Variants in SEC13 observed in about 807,000 individuals in gnomAD.
SEC13 encodes protein SEC13 homolog.
In SEC13, 25 loss-of-function variants were observed where a neutral mutation model predicts 49.2. The observed-to-expected ratio is 0.51, with a 90% CI of 0.37 to 0.71. The LOEUF is 0.71. SEC13 is among the 30% of genes least tolerant of loss of function. The pLI, the probability that SEC13 is intolerant of heterozygous loss-of-function variation, is 0.00. For missense variants in SEC13, 383 were observed against 417.6 expected, an observed-to-expected ratio of 0.92 and a Z score of 0.72; for synonymous variants, 148 against 163.9, an observed-to-expected ratio of 0.90 and a Z score of 0.74.
chr3:10,304,246 T>G, intron 7 of SEC13, 74 bp from the exon 8 acceptor site: 1 of 1,506,312 alleles, frequency 6.6e-7, no homozygotes, highest in African/African-American at 1.4e-5. Context: ...CCTCCCAGTC[T>G]AGAGCCACCC....
intron 5 of SEC13, among the ~76,000 whole-genome samples, chr3:10,309,800 G>C (rs1327332305): frequency 2.6e-5 from 4 of 152,214 alleles, no homozygotes; most frequent in Non-Finnish European, 5.9e-5. Context: ...TTTTAGGTGA[G>C]ATGAGTTTTC....
Position 10,301,003 on chromosome 3 carries a change from C to T in SEC13, c.*258G>A. ...CAAATAATGCCTGAACCCAAAGGTACATAAAAATGACCCAAAATAGATTTG... is the reference window on the plus strand; with the variant it reads ...CAAATAATGCCTGAACCCAAAGGTATATAAAAATGACCCAAAATAGATTTG... On this transcript the variant is annotated 3_prime_UTR_variant, in exon 9 of 9. Transcript: ENST00000350697. 7.2e-7 allele frequency: 1 copy of T among 1,389,046 alleles called. No homozygotes were observed. The highest frequency in any genetic ancestry group is 2.4e-5 in the East Asian group (1 of 41,212). The allele number at this position is 1,389,046 out of a possible 1,614,324, so 86.0% of individuals were successfully genotyped here.
chr3:10,306,432 T>G (rs9841132), intron 5 of SEC13, among the ~76,000 whole-genome samples: 9,231 of 152,242 alleles, frequency 0.061, 530 homozygotes, highest in African/African-American at 0.15. Flanking sequence ...CACGTTAGAT[T>G]GTCTCTTATA....
intron 2 of SEC13, 110 bp downstream of exon 2, chr3:10,317,940 T>C: frequency 1.4e-6 from 1 of 726,918 alleles, no homozygotes. Context: ...AAAGCCACCC[T>C]GGATCCATGA....
chr3:10,307,044 T>C (rs1022365173), intron 5 of SEC13, among the ~76,000 whole-genome samples: 1 of 146,244 alleles, frequency 6.8e-6, no homozygotes, highest in Non-Finnish European at 1.5e-5. Context: ...TCTTTATTTA[T>C]TATTAACAAT....
chr3:10,315,584 T>C, intron 2 of SEC13, 148 bp from the exon 3 acceptor site: 1 of 615,334 alleles, frequency 1.6e-6, no homozygotes, highest in South Asian at 1.9e-5. Context: ...GGCAGGAAGC[T>C]AGCATGTGGA....
rs529538755 is a variant in SEC13 at position 10,310,990 on chromosome 3, C to G, written c.450+975G>C. On this transcript the variant is annotated intron_variant, in intron 5 of 8. Coordinates refer to ENST00000350697, the MANE Select transcript of SEC13 (RefSeq NM_183352.3). ...ACAGATTGTCTCATTCTATGTACAACTGATCCTCAATTTCATTTCATTATA... is the reference window on the plus strand; with the variant it reads ...ACAGATTGTCTCATTCTATGTACAAGTGATCCTCAATTTCATTTCATTATA... Among the ~76,000 whole-genome samples, 50 of 151,448 alleles carry G rather than the reference C, an allele frequency of 3.3e-4. 1 individual carries two copies. Among genetic ancestry groups the G allele is most frequent in the Admixed American group, 8.6e-4 (13 of 15,202 alleles).
chr3:10,317,990 TC>T, intron 2 of SEC13, 59 bp downstream of exon 2: 1 of 1,204,552 alleles, frequency 8.3e-7, no homozygotes, highest in East Asian at 2.4e-5. Context: ...CCAAATTGCT[TC>T]CCTCCCACAA....
rs1295907131 is a variant in SEC13, at chr3:10,312,205, AG to A, written c.317-108del. 2.1e-6 allele frequency: 3 copies of A among 1,454,960 alleles called. No homozygotes were observed. In the African/African-American group the frequency reaches 4.3e-5, roughly 21 times the overall value. The allele number at this position is 1,454,960 out of a possible 1,614,324, so 90.1% of individuals were successfully genotyped here. A position where few individuals can be genotyped will look rare whatever the true frequency, so the allele number is the denominator to read the frequency against. On this transcript the variant is annotated intron_variant, in intron 4 of 8. Coordinates refer to ENST00000350697, the MANE Select transcript of SEC13 (RefSeq NM_183352.3). ...CTAAATGTCTACAACAAACAACTGT[AG>A]GAGTCACCGGGGGAAGCTGTAACTT...
chr3:10,302,041 C>T (rs1413533482), intron 8 of SEC13, among the ~76,000 whole-genome samples: 4 of 152,040 alleles, frequency 2.6e-5, no homozygotes, highest in Non-Finnish European at 5.9e-5. Flanking sequence ...CAGGAGTTCG[C>T]GACCAGCCTG....
intron 1 of SEC13, chr3:10,319,045 A>AT (rs758453966): frequency 5.8e-5 from 67 of 1,150,468 alleles, no homozygotes; most frequent in Non-Finnish European, 7.3e-5. Context: ...AAAAGCTGTT[A>AT]TTTTTTTTCT....
chr3:10,308,790 A>T (rs1701051346), intron 5 of SEC13, among the ~76,000 whole-genome samples: 4 of 93,682 alleles, frequency 4.3e-5, no homozygotes, highest in African/African-American at 1.8e-4. Context: ...TGCTGAGTTG[A>T]ATTTTTTTTT....
intron 5 of SEC13, among the ~76,000 whole-genome samples, chr3:10,310,147 G>T (rs1382786286): frequency 6.6e-6 from 1 of 152,058 alleles, no homozygotes; most frequent in Admixed American, 6.6e-5. Flanking sequence ...TTCTCCAAAG[G>T]CCCCCAGAAG....
chr3:10,304,237 C>T (rs40515), intron 7 of SEC13, 65 bp from the exon 8 acceptor site: 332,270 of 1,559,512 alleles, frequency 0.21, 37,883 homozygotes, highest in Middle Eastern at 0.28. Flanking sequence ...ATGTGATGTC[C>T]TCCCAGTCTA....
rs555356863 is a variant in SEC13, at chr3:10,310,504, A to AAAAC, written c.450+1457_450+1460dup. ...AGCCTCCGTCTCAAAAAAACAGAAC[A>AAAAC]AAACAAACCCAAAAAATCACAATAA... On this transcript the variant is annotated intron_variant, in intron 5 of 8. Coordinates refer to ENST00000350697, the MANE Select transcript of SEC13 (RefSeq NM_183352.3). Among the ~76,000 whole-genome samples the AAAAC allele has an allele frequency of 7.9e-5, 12 of 152,274 alleles. No individual in the cohort carries two copies. In the East Asian group the frequency reaches 2.3e-3, roughly 29 times the overall value.
chr3:10,303,002 AAGG>A (rs1186945490), intron 8 of SEC13, among the ~76,000 whole-genome samples: 2 of 152,218 alleles, frequency 1.3e-5, no homozygotes, highest in Non-Finnish European at 2.9e-5. Context: ...CATAGACAGA[AAGG>A]AGAAGGGTGG....
chr3:10,319,423 A>G, intron 1 of SEC13: 1 of 686,582 alleles, frequency 1.5e-6, no homozygotes, highest in Non-Finnish European at 2.3e-6. Flanking sequence ...GGGCACAGTC[A>G]ATCAGAGACC....
At position 10,305,128 on chromosome 3, in the gene SEC13, C is replaced by G. The variant is rs758574100; in HGVS notation, c.613G>C (p.Glu205Gln). The G allele has an allele frequency of 1.2e-5, 20 of 1,613,478 alleles. No homozygotes were observed. In the African/African-American group the frequency reaches 2.1e-4, roughly 17 times the overall value. The change falls in exon 7 of 9, where the codon GAG becomes CAG. Residue 205 changes from glutamate to glutamine, a missense_variant. By Grantham distance (29) the Glu-to-Gln change is conservative. Coordinates refer to ENST00000350697, the MANE Select transcript of SEC13 (RefSeq NM_183352.3). ...TCACTGTGCGCTTCTAGCTTCTGCTCCTCCTTCCACTGGCCGTCCTCCTCC... is the reference window on the plus strand; with the variant it reads ...TCACTGTGCGCTTCTAGCTTCTGCTGCTCCTTCCACTGGCCGTCCTCCTCC... The part of the protein sequence containing the change: ...KEEEDGQWKE[E>Q]QKLEAHSDWV...
intron 2 of SEC13, among the ~76,000 whole-genome samples, chr3:10,317,138 T>C (rs1439625410): frequency 6.6e-6 from 1 of 152,192 alleles, no homozygotes; most frequent in East Asian, 1.9e-4. Context: ...ATATCCATTA[T>C]TTTTCCCGTA....
Sources: gnomAD v4.1 joint callset for allele counts (sites outside exome capture counted in the v4.1 genomes callset) on GRCh38, gnomAD v4.1.1 for gene constraint, MANE v1.5 for transcripts, NCBI Gene and HGNC (gene_info 2026-07-23, HGNC 2026-07-21) for gene names.